SIPA1L1: variants seen among roughly 807,000 people sequenced by gnomAD.
SIPA1L1 encodes signal induced proliferation associated 1 like 1.
In SIPA1L1, 26 loss-of-function variants were observed where a neutral mutation model predicts 162.7. The observed-to-expected ratio is 0.16, with a 90% CI of 0.12 to 0.22. The LOEUF (loss-of-function observed/expected upper bound fraction) is 0.22, where lower values mean the gene tolerates loss of function less well. Among genes scored for constraint, SIPA1L1 ranks in the 10% least tolerant of loss-of-function variants. The pLI is 1.00. For synonymous variants in SIPA1L1, 829 were observed against 837.4 expected, an observed-to-expected ratio of 0.99 and a Z score of 0.17; for missense variants, 1,874 against 2,241.0, an observed-to-expected ratio of 0.84 and a Z score of 3.31.
chr14:71,618,555 G>A (rs964859229), intron 5 of SIPA1L1, among the ~76,000 whole-genome samples: 1 of 152,160 alleles, frequency 6.6e-6, no homozygotes, highest in Non-Finnish European at 1.5e-5. Context: ...GGCCACCCGT[G>A]TTCAGTGTTA....
At chr14:71,593,878 T>G (rs1015966611) in intron 5 of SIPA1L1, among the ~76,000 whole-genome samples, 3 of 152,174 alleles carry the variant, frequency 2.0e-5, no homozygotes, top group African/African-American at 7.2e-5. Context: ...TTACTGAAGA[T>G]GCTGTGATAG....
At position 71,501,235 on chromosome 14, in the gene SIPA1L1, C is replaced by T. The variant is rs549235136; in HGVS notation, c.-464-11508C>T. On this transcript the variant is annotated intron_variant, in intron 2 of 23. Coordinates refer to ENST00000381232, the MANE Select transcript of SIPA1L1 (RefSeq NM_001386936.1). ...ACTTGGGGGGCTGAGGTGGGAGGAT[C>T]GCTTGAGCCCAGGAGTCGAGGCTAC... is the stretch of plus-strand genomic sequence containing the variant. Among the ~76,000 whole-genome samples the T allele has an allele frequency of 6.8e-3, 1,031 of 151,984 alleles. 7 individuals are homozygous for T. The highest frequency in any genetic ancestry group is 0.012 in the Non-Finnish European group (801 of 67,962).
intron 2 of SIPA1L1, among the ~76,000 whole-genome samples, chr14:71,379,828 C>T (rs1030508432): frequency 3.9e-5 from 6 of 152,324 alleles, no homozygotes; most frequent in Middle Eastern, 6.8e-3. Context: ...GTTTGGTAGA[C>T]ATTGAGCAGT....
intron 3 of SIPA1L1, among the ~76,000 whole-genome samples, chr14:71,527,628 T>A (rs555823370): frequency 2.1e-4 from 30 of 144,000 alleles, no homozygotes; most frequent in South Asian, 1.1e-3. Context: ...TGCTTAAAAA[T>A]TTTTTTTTTA....
intron 17 of SIPA1L1, among the ~76,000 whole-genome samples, chr14:71,717,821 G>A (rs2083387008): frequency 6.6e-6 from 1 of 152,092 alleles, no homozygotes; most frequent in African/African-American, 2.4e-5. Context: ...GGAGTTGAGG[G>A]GCTAATGCAG....
intron 4 of SIPA1L1, among the ~76,000 whole-genome samples, chr14:71,558,869 A>C (rs2056560675): frequency 6.6e-6 from 1 of 152,040 alleles, no homozygotes; most frequent in African/African-American, 2.4e-5. Flanking sequence ...TTTTTTGTAG[A>C]GACACGGTCT....
rs755903950 is a variant in SIPA1L1 at position 71,733,785 on chromosome 14, C to T, written c.4981C>T (p.Leu1661=). ...DTAADLDWSN[L]VDAAKAYEVQ... is the part of the protein sequence containing the mutation. ...TGCTGCAGACTTGGATTGGTCCAAC[C>T]TGGTAGATGCTGCCAAAGCCTATGA... Residue 1661 remains leucine (L), a synonymous_variant, in exon 21 of 24, where the codon CTG becomes TTG. Transcript: ENST00000381232. 1.1e-5 allele frequency: 18 copies of T among 1,612,900 alleles called. 1 individual carries two copies. In the South Asian group the frequency reaches 1.9e-4, roughly 17 times the overall value.
At chr14:71,474,916 C>T (rs2047729348) in intron 2 of SIPA1L1, among the ~76,000 whole-genome samples, 2 of 152,086 alleles carry the variant, frequency 1.3e-5, no homozygotes, top group South Asian at 4.1e-4. Context: ...TTCTTAAGAA[C>T]ATTTTGTGTG....
At chr14:71,362,811 T>C (rs2037935260) in intron 2 of SIPA1L1, among the ~76,000 whole-genome samples, 2 of 152,246 alleles carry the variant, frequency 1.3e-5, no homozygotes, top group Admixed American at 1.3e-4. Flanking sequence ...GGTAACGATG[T>C]AATTTCACTT....
chr14:71,352,397 C>G (rs1302438361), intron 2 of SIPA1L1, among the ~76,000 whole-genome samples: 1 of 152,156 alleles, frequency 6.6e-6, no homozygotes, highest in Non-Finnish European at 1.5e-5. Flanking sequence ...CTTAGGAGGT[C>G]TGGTTACCCC....
intron 2 of SIPA1L1, among the ~76,000 whole-genome samples, chr14:71,348,363 C>T (rs568387439): frequency 6.6e-6 from 1 of 152,280 alleles, no homozygotes; most frequent in African/African-American, 2.4e-5. Context: ...TGGGATTTTA[C>T]AGCATGTTTT....
At chr14:71,626,675 G>A (rs1159758546) in intron 7 of SIPA1L1, among the ~76,000 whole-genome samples, 2 of 152,084 alleles carry the variant, frequency 1.3e-5, no homozygotes, top group Non-Finnish European at 2.9e-5. Context: ...TTTGTGTGTC[G>A]TTATATTTAA....
At chr14:71,407,362 A>G (rs2042094795) in intron 2 of SIPA1L1, among the ~76,000 whole-genome samples, 1 of 152,160 alleles carries the variant, frequency 6.6e-6, no homozygotes, top group African/African-American at 2.4e-5. Context: ...AGGCTGCAAC[A>G]CGAAGTTTGC....
At chr14:71,542,610 CCCTCCCCCTCCT>C (rs1452513920) in intron 4 of SIPA1L1, among the ~76,000 whole-genome samples, 1 of 113,602 alleles carries the variant, frequency 8.8e-6, no homozygotes, top group Non-Finnish European at 1.8e-5. Context: ...CTCTTCCTCC[CCCTCCCCCTCCT>C]CCTCCCCTTC....
chr14:71,452,959 C>T (rs1267276692), intron 2 of SIPA1L1, among the ~76,000 whole-genome samples: 1 of 152,162 alleles, frequency 6.6e-6, no homozygotes, highest in Non-Finnish European at 1.5e-5. Context: ...AATCTCTAGA[C>T]CCTTCTGTGT....
chr14:71,363,668 A>G (rs1010801509), intron 2 of SIPA1L1, among the ~76,000 whole-genome samples: 1 of 152,216 alleles, frequency 6.6e-6, no homozygotes, highest in African/African-American at 2.4e-5. Context: ...GCAACTGAGT[A>G]AATAATCCAC....
chr14:71,619,742 G>A (rs1596459990), intron 6 of SIPA1L1, among the ~76,000 whole-genome samples: 1 of 152,154 alleles, frequency 6.6e-6, no homozygotes, highest in East Asian at 1.9e-4. Context: ...GTTTAAATAG[G>A]GCATTTGGCT....
intron 5 of SIPA1L1, 133 bp downstream of exon 5, chr14:71,589,503 T>A: frequency 1.7e-6 from 1 of 581,188 alleles, no homozygotes; most frequent in Non-Finnish European, 2.9e-6. Flanking sequence ...GTAAAATAGC[T>A]AAATAACCAT....
At chr14:71,642,211 T>A (rs909216383) in intron 7 of SIPA1L1, among the ~76,000 whole-genome samples, 2 of 152,150 alleles carry the variant, frequency 1.3e-5, no homozygotes, top group Admixed American at 6.5e-5. Context: ...ACAAATGAGG[T>A]GAACCCTAAG....
Sources: gnomAD v4.1 joint callset for allele counts (sites outside exome capture counted in the v4.1 genomes callset) on GRCh38, gnomAD v4.1.1 for gene constraint, MANE v1.5 for transcripts, NCBI Gene and HGNC (gene_info 2026-07-23, HGNC 2026-07-21) for gene names.